The following MBD6 variants were observed in gnomAD, a reference collection of about 807,000 sequenced individuals.
The protein encoded by MBD6 is methyl-CpG binding domain protein 6.
In MBD6, 22 loss-of-function variants were observed where a neutral mutation model predicts 66.8. The observed-to-expected ratio is 0.33, with a 90% CI of 0.24 to 0.47. The LOEUF (loss-of-function observed/expected upper bound fraction) is 0.47. Ranked by LOEUF, MBD6 falls within the 20% of genes least tolerant of loss-of-function variation. The pLI is 1.00. For missense variants in MBD6, 1,322 were observed against 1,286.9 expected, an observed-to-expected ratio of 1.03 and a Z score of -0.42; for synonymous variants, 540 against 534.6, an observed-to-expected ratio of 1.01 and a Z score of -0.14.
chr12:57,526,684 T>C lies in MBD6; in HGVS notation c.1539T>C (p.Ala513=). 6 of 1,529,880 alleles carry C rather than the reference T, an allele frequency of 3.9e-6. No individual in the cohort carries two copies. In the South Asian group the frequency reaches 5.1e-5, roughly 13 times the overall value. The allele number at this position is 1,529,880 out of a possible 1,614,324, so 94.8% of individuals were successfully genotyped here. A position where few individuals can be genotyped will look rare whatever the true frequency, so the allele number is the denominator to read the frequency against. The part of the protein sequence containing the change: ...AGPACPLPPL[A]GGEAFPFPSP... ...CGGCCTGCCCTCTGCCTCCCCTGGC[T>C]GGTGGAGAGGCTTTCCCTTTCCCCA... Residue 513 remains alanine (A), a synonymous_variant, in exon 7 of 13, where the codon GCT becomes GCC. Transcript: ENST00000355673.
At chr12:57,522,685 G>A (rs1466679173), upstream of MBD6, 1 of 151,778 alleles carries the variant, frequency 6.6e-6, no homozygotes, top group Non-Finnish European at 1.5e-5. Flanking sequence ...CGCTGGGCGG[G>A]GGCCCGGCCC....
intron 3 of MBD6, 44 bp from the exon 4 acceptor site, chr12:57,524,676 C>G: frequency 1.3e-6 from 2 of 1,567,116 alleles, no homozygotes; most frequent in Non-Finnish European, 1.8e-6. Flanking sequence ...TTGCCTGATT[C>G]GCTGCCAGCT....
In MBD6 at chr12:57,530,118, AT is replaced by A. The variant is rs1879501608; in HGVS notation, c.*887del. ...TGCTTTTCTATGGGAGACACTCTTAATTTAACAGATGAGAATATTTTGAAAC... is the reference window on the plus strand; with the variant it reads ...TGCTTTTCTATGGGAGACACTCTTAATTAACAGATGAGAATATTTTGAAAC... On this transcript the variant is annotated 3_prime_UTR_variant, in exon 13 of 13. Coordinates refer to ENST00000355673, the MANE Select transcript of MBD6 (RefSeq NM_052897.4). 1 of 152,492 alleles carries A rather than the reference AT, an allele frequency of 6.6e-6. No homozygotes were observed. The highest frequency in any genetic ancestry group is 1.5e-5 in the Non-Finnish European group (1 of 68,056). The allele number at this position is 152,492 out of a possible 1,614,324, so 9.4% of individuals were successfully genotyped here. A position where few individuals can be genotyped will look rare whatever the true frequency, so the allele number is the denominator to read the frequency against.
chr12:57,524,511 A>G, intron 3 of MBD6, 95 bp downstream of exon 3: 1 of 1,210,612 alleles, frequency 8.3e-7, no homozygotes, highest in Non-Finnish European at 1.2e-6. Context: ...CTGGTACCCG[A>G]TTGCTCTCCT....
At chr12:57,524,217 C>G in intron 2 of MBD6, 63 bp from the exon 3 acceptor site, 1 of 1,044,698 alleles carries the variant, frequency 9.6e-7, no homozygotes, top group Non-Finnish European at 1.4e-6. Flanking sequence ...TCCTGGAGTC[C>G]TCTCTCAGGT....
rs905806594 is a variant in MBD6, at chr12:57,524,314, G to A, written c.11G>A (p.Gly4Asp). The A allele has an allele frequency of 1.3e-6, 2 of 1,562,332 alleles. No homozygotes were observed. Among genetic ancestry groups the A allele is most frequent in the East Asian group, 2.2e-5 (1 of 44,474 alleles). Residue 4 changes from glycine (G) to aspartate (D), a missense_variant, in exon 3 of 13, where the codon GGC (glycine) becomes GAC (aspartate). By Grantham distance (94) the Gly-to-Asp change is moderately conservative. Coordinates refer to ENST00000355673, the MANE Select transcript of MBD6 (RefSeq NM_052897.4). ...AGCTGATTACACACAATGAATGGGG[G>A]CAATGAGAGCAGTGGAGCAGACAGA... MNG[G>D]NESSGADRAG...
chr12:57,526,867 G>C lies in MBD6; in HGVS notation c.1722G>C (p.Glu574Asp). 6 of 1,612,984 alleles carry C rather than the reference G, an allele frequency of 3.7e-6. No homozygotes were observed. Among genetic ancestry groups the C allele is most frequent in the Non-Finnish European group, 5.1e-6 (6 of 1,179,542 alleles). Residue 574 changes from glutamate to aspartate, a missense_variant, in exon 7 of 13, where the codon GAG becomes GAC. Glu to Asp is a conservative substitution (Grantham distance 45, BLOSUM62 2). Coordinates refer to ENST00000355673, the MANE Select transcript of MBD6 (RefSeq NM_052897.4). ...LTGGGGQPPP[E>D]PLLPPPGGPG... The stretch of plus-strand genomic sequence containing the variant: ...GGGGAGGAGGACAACCTCCCCCTGA[G>C]CCCCTGCTACCCCCACCAGGAGGAC...
chr12:57,526,326 C>A lies in MBD6; in HGVS notation c.1358C>A (p.Pro453His), dbSNP rs1224530856. Residue 453 changes from proline to histidine, a missense_variant, in exon 6 of 13, where the codon CCC becomes CAC. By Grantham distance (77) the Pro-to-His change is moderately conservative. Transcript: ENST00000355673. ...CTCTCCTCAGGGAGCCCTCCCCAGC[C>A]CAGGCACCCCATCCAGCCCTCCCTG... ...PTLSSGSPPQ[P>H]RHPIQPSLPG... The A allele has an allele frequency of 1.2e-6, 2 of 1,612,630 alleles. No homozygotes were observed. Among genetic ancestry groups the A allele is most frequent in the South Asian group, 2.2e-5 (2 of 90,854 alleles).
rs879837727 is a variant in MBD6, at chr12:57,529,426, C to CG, written c.*192_*193insG. On this transcript the variant is annotated 3_prime_UTR_variant, in exon 13 of 13. Transcript: ENST00000355673. ...AGGGGGCAGGGAAGTTCACCCCCCC[C>CG]CACCACCCCCCCGCCCCCCCGAAGC... 1.4e-5 allele frequency: 7 copies of CG among 485,534 alleles called. No individual in the cohort carries two copies. The highest frequency in any genetic ancestry group is 4.8e-5 in the South Asian group (2 of 41,762). The allele number at this position is 485,534 out of a possible 1,614,324, so 30.1% of individuals were successfully genotyped here. A position where few individuals can be genotyped will look rare whatever the true frequency, so the allele number is the denominator to read the frequency against.
chr12:57,527,150 GC>G lies in MBD6; in HGVS notation c.2012del (p.Pro671LeufsTer4). On this transcript the variant is annotated frameshift_variant, in exon 7 of 13. Coordinates refer to ENST00000355673, the MANE Select transcript of MBD6 (RefSeq NM_052897.4). LOFTEE classifies it high-confidence loss of function. ...LSPLLFPPLSAPPTLIALNSA... is the reference protein window; with the variant it reads ...LSPLLFPPLSXPPTLIALNSA... ...CCCCCTACTTTTCCCCCCACTTTCA[GC>G]CCCCCCTACCCTCATAGCTTTAAAT... 8 of 1,533,820 alleles carry G rather than the reference GC, an allele frequency of 5.2e-6. No individual in the cohort carries two copies. The highest frequency in any genetic ancestry group is 6.2e-6 in the Non-Finnish European group (7 of 1,134,432).
chr12:57,526,948 C>A lies in MBD6; in HGVS notation c.1803C>A (p.Ser601=), dbSNP rs1321027207. ...EPEGPSLLVA[S]LLPPPPSDLL... ...AAGGGCCTTCGCTTTTGGTGGCTTC[C>A]TTGCTTCCTCCACCACCCTCAGACC... The change falls in exon 7 of 13, where the codon TCC becomes TCA. Residue 601 remains serine (S), a synonymous_variant. Transcript: ENST00000355673. 1.2e-6 allele frequency: 2 copies of A among 1,613,642 alleles called. No individual in the cohort carries two copies. The highest frequency in any genetic ancestry group is 2.7e-5 in the African/African-American group (2 of 74,866).
chr12:57,524,477 C>G, intron 3 of MBD6, 61 bp downstream of exon 3: 1 of 1,400,578 alleles, frequency 7.1e-7, no homozygotes, highest in African/African-American at 1.4e-5. Flanking sequence ...TTCTTTCTTC[C>G]GTTTCTTCTC....
Position 57,525,746 on chromosome 12 carries a change from C to T in MBD6, c.778C>T (p.Leu260Phe). Residue 260 changes from leucine (L) to phenylalanine (F), a missense_variant, in exon 6 of 13, where the codon CTC becomes TTC. Leu to Phe is a conservative substitution (Grantham distance 22, BLOSUM62 0). Coordinates refer to ENST00000355673, the MANE Select transcript of MBD6 (RefSeq NM_052897.4). ...ASSSPPSDPP[L>F]FHCSDALTPP... Reference sequence around the variant, plus strand: ...CTCCTCACCACCTTCAGACCCTCCTCTCTTCCACTGTAGTGATGCCTTAAC... The same window carrying T: ...CTCCTCACCACCTTCAGACCCTCCTTTCTTCCACTGTAGTGATGCCTTAAC... 1.9e-6 allele frequency: 3 copies of T among 1,614,056 alleles called. No individual in the cohort carries two copies. The highest frequency in any genetic ancestry group is 2.5e-6 in the Non-Finnish European group (3 of 1,179,964).
At chr12:57,524,863 T>G (rs373449657) in intron 4 of MBD6, 41 bp downstream of exon 4, 1 of 1,613,198 alleles carries the variant, frequency 6.2e-7, no homozygotes, top group Admixed American at 1.7e-5. Context: ...AGAGATAAGC[T>G]AAAAGTCTTA....
At position 57,529,546 on chromosome 12, in the gene MBD6, TAA is replaced by T. The variant is rs1879420987; in HGVS notation, c.*313_*314del. 7.2e-6 allele frequency: 2 copies of T among 279,512 alleles called. No individual in the cohort carries two copies. Among genetic ancestry groups the T allele is most frequent in the Non-Finnish European group, 1.4e-5 (2 of 146,186 alleles). The allele number at this position is 279,512 out of a possible 1,614,324, so 17.3% of individuals were successfully genotyped here. On this transcript the variant is annotated 3_prime_UTR_variant, in exon 13 of 13. Coordinates refer to ENST00000355673, the MANE Select transcript of MBD6 (RefSeq NM_052897.4). Reference sequence around the variant, plus strand: ...CCCTTCCCCAGGTCTTTTATTTGTTTAAGTTATTTTTGCACAAATGACTCTTT... The same window carrying T: ...CCCTTCCCCAGGTCTTTTATTTGTTTGTTATTTTTGCACAAATGACTCTTT...
At position 57,526,331 on chromosome 12, in the gene MBD6, C is replaced by T. The variant is rs192920055; in HGVS notation, c.1363C>T (p.His455Tyr). 1.2e-6 allele frequency: 2 copies of T among 1,611,768 alleles called. No individual in the cohort carries two copies. Among genetic ancestry groups the T allele is most frequent in the Admixed American group, 3.3e-5 (2 of 59,800 alleles). ...CTCAGGGAGCCCTCCCCAGCCCAGGCACCCCATCCAGCCCTCCCTGCCTGG... is the reference window on the plus strand; with the variant it reads ...CTCAGGGAGCCCTCCCCAGCCCAGGTACCCCATCCAGCCCTCCCTGCCTGG... ...LSSGSPPQPR[H>Y]PIQPSLPGTT... Residue 455 changes from histidine (H) to tyrosine (Y), a missense_variant, in exon 6 of 13, where the codon CAC (histidine) becomes TAC (tyrosine). By Grantham distance (83) the His-to-Tyr change is moderately conservative. Transcript: ENST00000355673.
At chr12:57,524,245 C>A in intron 2 of MBD6, 35 bp from the exon 3 acceptor site, 1 of 1,317,866 alleles carries the variant, frequency 7.6e-7, no homozygotes, top group Non-Finnish European at 1.0e-6. Flanking sequence ...TCAGTTTAAT[C>A]CTCCTAGTGC....
In MBD6 at chr12:57,525,729, C is replaced by A. The variant is rs1324642093; in HGVS notation, c.761C>A (p.Pro254Gln). ...SPPAPHASSS[P>Q]PSDPPLFHCS... ...CCGGCCCCTCATGCCTCCTCCTCAC[C>A]ACCTTCAGACCCTCCTCTCTTCCAC... Residue 254 changes from proline to glutamine, a missense_variant, in exon 6 of 13, where the codon CCA becomes CAA. Coordinates refer to ENST00000355673, the MANE Select transcript of MBD6 (RefSeq NM_052897.4). 1 of 1,614,032 alleles carries A rather than the reference C, an allele frequency of 6.2e-7. No individual in the cohort carries two copies. Among genetic ancestry groups the A allele is most frequent in the Middle Eastern group, 1.6e-4 (1 of 6,062 alleles).
At position 57,528,184 on chromosome 12, in the gene MBD6, C is replaced by G. The variant is rs781769280; in HGVS notation, c.2444C>G (p.Pro815Arg). Residue 815 changes from proline to arginine, a missense_variant, in exon 10 of 13, where the codon CCC becomes CGC. By Grantham distance (103) the Pro-to-Arg change is moderately radical. Coordinates refer to ENST00000355673, the MANE Select transcript of MBD6 (RefSeq NM_052897.4). ...CAGCCAGAAGCCCCCTGTCTACCCCCCGAGAGCCCTGCCTCAGCCCTCGAA... is the reference window on the plus strand; with the variant it reads ...CAGCCAGAAGCCCCCTGTCTACCCCGCGAGAGCCCTGCCTCAGCCCTCGAA... ...PEQPEAPCLPPESPASALEPE... is the reference protein window; with the variant it reads ...PEQPEAPCLPRESPASALEPE... 4 of 1,611,098 alleles carry G rather than the reference C, an allele frequency of 2.5e-6. No homozygotes were observed. The highest frequency in any genetic ancestry group is 2.2e-5 in the South Asian group (2 of 90,878).
Sources: allele counts gnomAD v4.1 joint callset, GRCh38; gene constraint gnomAD v4.1.1; transcripts MANE v1.5; gene names NCBI Gene and HGNC (gene_info 2026-07-23, HGNC 2026-07-21).